The following SLC12A1 variants were observed in gnomAD, a reference collection of about 807,000 sequenced individuals.
SLC12A1 encodes solute carrier family 12 member 1.
In SLC12A1, 89 loss-of-function variants were observed where a neutral mutation model predicts 130.4. That is an observed-to-expected ratio of 0.68 (90% confidence interval 0.58 to 0.81). The LOEUF is 0.81. SLC12A1 is among the 40% of genes least tolerant of loss of function. The pLI is 0.00. For synonymous variants in SLC12A1, 499 were observed against 460.0 expected, an observed-to-expected ratio of 1.08 and a Z score of -1.09; for missense variants, 1,310 against 1,336.4, an observed-to-expected ratio of 0.98 and a Z score of 0.31.
chr15:48,225,933 G>T (rs2041279648), intron 4 of SLC12A1: 1 of 979,562 alleles, frequency 1.0e-6, no homozygotes, highest in African/African-American at 1.8e-5. Flanking sequence ...GCCACAAATG[G>T]ATGTGTCAGA....
At chr15:48,301,502 T>TTGCGGAG in intron 26 of SLC12A1, 120 bp downstream of exon 26, 1 of 429,450 alleles carries the variant, frequency 2.3e-6, no homozygotes. Flanking sequence ...GTGTTTTTTT[T>TTGCGGAG]GGGGGGGGGA....
intron 3 of SLC12A1, 58 bp from the exon 4 acceptor site, chr15:48,220,863 C>T (rs1420975239): frequency 8.1e-6 from 13 of 1,609,168 alleles, no homozygotes; most frequent in Middle Eastern, 1.6e-4. Flanking sequence ...TGAAGAGCCC[C>T]GGGTTTTGTC....
chr15:48,280,538 G>GATCTCTATCTATCT (rs2141105343), intron 20 of SLC12A1, among the ~76,000 whole-genome samples: 1 of 152,126 alleles, frequency 6.6e-6, no homozygotes, highest in Admixed American at 6.5e-5. Context: ...TCCATATCTC[G>GATCTCTATCTATCT]ATCTCTATCT....
intron 2 of SLC12A1, among the ~76,000 whole-genome samples, chr15:48,210,693 TAAA>T (rs34235092): frequency 3.5e-4 from 43 of 122,584 alleles, no homozygotes; most frequent in Admixed American, 2.5e-4. Flanking sequence ...CTTCTCTACT[TAAA>T]AAAAAAAAAA....
At chr15:48,235,575 G>A (rs1343340761) in intron 9 of SLC12A1, among the ~76,000 whole-genome samples, 4 of 152,102 alleles carry the variant, frequency 2.6e-5, no homozygotes, top group East Asian at 1.9e-4. Flanking sequence ...GGAGGCTGAG[G>A]TGGGAGGATT....
chr15:48,209,765 G>A (rs2041030215), intron 2 of SLC12A1, among the ~76,000 whole-genome samples: 1 of 152,042 alleles, frequency 6.6e-6, no homozygotes, highest in Non-Finnish European at 1.5e-5. Context: ...GGCTGCTAGG[G>A]TCCCTGACTC....
Position 48,256,829 on chromosome 15 carries a change from C to CT in SLC12A1, c.2042+919_2042+920insT, listed in dbSNP as rs200595446. The stretch of plus-strand genomic sequence containing the variant: ...CATATCATTCCATCCCTGGCCCCCC[C>CT]CCCCAAATTTCTTGTCCTCACATTT... On this transcript the variant is annotated intron_variant, in intron 16 of 26. Transcript: ENST00000380993. 3.9e-4 allele frequency among the ~76,000 whole-genome samples: 57 copies of CT among 146,766 alleles called. 1 individual carries two copies. Among genetic ancestry groups the CT allele is most frequent in the African/African-American group, 1.0e-3 (41 of 39,820 alleles).
rs35044856 is a variant in SLC12A1, at chr15:48,303,356, TG to T, written c.*475del. On this transcript the variant is annotated 3_prime_UTR_variant, in exon 27 of 27. Coordinates refer to ENST00000380993, the MANE Select transcript of SLC12A1 (RefSeq NM_000338.3). ...TTATCAAAGGAAAAGACCAATAGGC[TG>T]GGGAACATAATTATGCTTGGCCCCC... 6.6e-6 allele frequency: 1 copy of T among 152,412 alleles called. No homozygotes were observed. The highest frequency in any genetic ancestry group is 6.5e-5 in the Admixed American group (1 of 15,288). 9.4% of individuals were successfully genotyped at this position (152,412 alleles called of 1,614,324 possible).
At chr15:48,228,622 C>A in intron 5 of SLC12A1, 1 of 253,274 alleles carries the variant, frequency 3.9e-6, no homozygotes, top group East Asian at 1.0e-4. Context: ...TCACTAAAAA[C>A]ATAGAAAAGC....
chr15:48,270,548 G>T (rs1019103722), intron 19 of SLC12A1, among the ~76,000 whole-genome samples: 1 of 148,922 alleles, frequency 6.7e-6, no homozygotes, highest in Non-Finnish European at 1.5e-5. Flanking sequence ...TGAAACTCAT[G>T]ACTATAACGC....
intron 1 of SLC12A1, among the ~76,000 whole-genome samples, chr15:48,206,533 G>T (rs2040985720): frequency 6.6e-6 from 1 of 152,108 alleles, no homozygotes; most frequent in African/African-American, 2.4e-5. Flanking sequence ...CAAATACACA[G>T]CTTTAATAAC....
chr15:48,240,030 C>G (rs1341831644), intron 9 of SLC12A1, among the ~76,000 whole-genome samples: 3 of 13,132 alleles, frequency 2.3e-4, no homozygotes, highest in East Asian at 8.8e-4. Flanking sequence ...TATATATATC[C>G]ATATATATAT....
At chr15:48,288,296 CTA>C (rs1368147195) in intron 22 of SLC12A1, 107 bp from the exon 23 acceptor site, 16 of 1,165,844 alleles carry the variant, frequency 1.4e-5, no homozygotes, top group Non-Finnish European at 2.0e-5. Context: ...TCTCCAAAGA[CTA>C]TAACTTAATT....
intron 19 of SLC12A1, among the ~76,000 whole-genome samples, chr15:48,272,181 A>C (rs2141094278): frequency 6.6e-6 from 1 of 152,326 alleles, no homozygotes; most frequent in East Asian, 1.9e-4. Flanking sequence ...GATTTGTACT[A>C]GTATAAAACC....
intron 26 of SLC12A1, among the ~76,000 whole-genome samples, chr15:48,302,151 G>A (rs78382809): frequency 6.6e-6 from 1 of 152,086 alleles, no homozygotes; most frequent in Non-Finnish European, 1.5e-5. Context: ...ACGGGGGTAG[G>A]TATTAGCTGA....
chr15:48,256,828 C>G (rs572999297), intron 16 of SLC12A1, among the ~76,000 whole-genome samples: 1 of 145,232 alleles, frequency 6.9e-6, no homozygotes, highest in South Asian at 2.4e-4. Context: ...CCTGGCCCCC[C>G]CCCCCAAATT....
Position 48,296,909 on chromosome 15 carries a change from C to T in SLC12A1, c.2961-2231C>T, listed in dbSNP as rs931383232. Among the ~76,000 whole-genome samples the T allele has an allele frequency of 4.6e-5, 7 of 152,102 alleles. 1 individual carries two copies. In the South Asian group the frequency reaches 8.3e-4, roughly 18 times the overall value. ...ACACAGAGAAGGAGCAGTAAGAGTGCAAAGACAAAACTGGGCAAATACAGC... is the reference window on the plus strand; with the variant it reads ...ACACAGAGAAGGAGCAGTAAGAGTGTAAAGACAAAACTGGGCAAATACAGC... On this transcript the variant is annotated intron_variant, in intron 24 of 26. Coordinates refer to ENST00000380993, the MANE Select transcript of SLC12A1 (RefSeq NM_000338.3).
intron 16 of SLC12A1, among the ~76,000 whole-genome samples, chr15:48,256,443 G>GT (rs1386615945): frequency 2.0e-5 from 3 of 152,296 alleles, no homozygotes; most frequent in Admixed American, 1.3e-4. Flanking sequence ...CAGGGGGACT[G>GT]TATTAGTCCA....
chr15:48,296,327 T>C (rs1002479134), intron 24 of SLC12A1, among the ~76,000 whole-genome samples: 1 of 152,198 alleles, frequency 6.6e-6, no homozygotes, highest in East Asian at 1.9e-4. Context: ...AGAAACATTA[T>C]CTATAAACAT....
Sources: allele counts gnomAD v4.1 joint callset (sites outside exome capture counted in the v4.1 genomes callset), GRCh38; gene constraint gnomAD v4.1.1; transcripts MANE v1.5; gene names NCBI Gene and HGNC (gene_info 2026-07-23, HGNC 2026-07-21).